Variants in PIK3CD observed in about 807,000 individuals in gnomAD.
PIK3CD encodes the protein phosphatidylinositol 4,5-bisphosphate 3-kinase catalytic subunit delta isoform.
Under a neutral mutation model 122.9 loss-of-function variants are expected in PIK3CD, and 20 were observed. The observed-to-expected ratio is 0.16, with a 90% CI of 0.11 to 0.24. The LOEUF is 0.24. PIK3CD is among the 10% of genes least tolerant of loss of function. The pLI, the probability that PIK3CD is intolerant of heterozygous loss-of-function variation, is 1.00. For missense variants in PIK3CD, 787 were observed against 1,406.3 expected, an observed-to-expected ratio of 0.56 and a Z score of 7.04; for synonymous variants, 596 against 593.4, an observed-to-expected ratio of 1.00 and a Z score of -0.06.
chr1:9,720,704 G>C lies in PIK3CD; in HGVS notation c.1522-38G>C, dbSNP rs199962152. The C allele has an allele frequency of 6.3e-7, 1 of 1,592,944 alleles. No homozygotes were observed. ...GTGGGGTGGGGGGCATGGAGCCGGC[G>C]TGGAACCAGAGCCCTCACTCCTGCC... On this transcript the variant is annotated intron_variant, in intron 12 of 23. Coordinates refer to ENST00000377346, the MANE Select transcript of PIK3CD (RefSeq NM_005026.5). The surrounding 1 kb of genome is among the most constrained non-coding windows in gnomAD (Gnocchi z 9.0).
rs939442056 is a variant in PIK3CD, at chr1:9,723,536, T to C, written c.2594+244T>C. On this transcript the variant is annotated intron_variant, in intron 20 of 23. Coordinates refer to ENST00000377346, the MANE Select transcript of PIK3CD (RefSeq NM_005026.5). This position sits in a 1 kb window ranked among gnomAD's most constrained non-coding sequence, Gnocchi z 4.9. ...GGCTTTAAAAAACAGCCATTTACGATTGGCTCACAGATCTGCAGCTGGGGC... is the reference window on the plus strand; with the variant it reads ...GGCTTTAAAAAACAGCCATTTACGACTGGCTCACAGATCTGCAGCTGGGGC... 2.0e-5 allele frequency among the ~76,000 whole-genome samples: 3 copies of C among 152,188 alleles called. No homozygotes were observed. Among genetic ancestry groups the C allele is most frequent in the Non-Finnish European group, 4.4e-5 (3 of 68,040 alleles).
In PIK3CD at chr1:9,728,884, A is replaced by T. The variant is rs1650122454; in HGVS notation, c.*1838A>T. The T allele has an allele frequency of 2.0e-5, 3 of 152,256 alleles. No individual in the cohort carries two copies. Among genetic ancestry groups the T allele is most frequent in the African/African-American group, 7.2e-5 (3 of 41,456 alleles). The allele number at this position is 152,256 out of a possible 1,614,324, so 9.4% of individuals were successfully genotyped here. ...TGGGTTGAGACCAGCACTCTGTGAA[A>T]CCTTGAAATGAGAAGTAAAGGCAGA... On this transcript the variant is annotated 3_prime_UTR_variant, in exon 24 of 24. Coordinates refer to ENST00000377346, the MANE Select transcript of PIK3CD (RefSeq NM_005026.5).
chr1:9,713,747 T>C (rs2100816650), intron 3 of PIK3CD, among the ~76,000 whole-genome samples: 1 of 152,098 alleles, frequency 6.6e-6, no homozygotes, highest in East Asian at 1.9e-4. Context: ...TGCACCACCA[T>C]GCCTGGCTAA....
At chr1:9,628,006 G>A in the PIK3CD span, among the ~76,000 whole-genome samples, 1 of 152,212 alleles carries the variant, frequency 6.6e-6, no homozygotes, top group African/African-American at 2.4e-5. Flanking sequence ...CTGAGATCGC[G>A]TCACTGCGAT....
At chr1:9,637,748 A>G in the PIK3CD span, among the ~76,000 whole-genome samples, 1 of 152,110 alleles carries the variant, frequency 6.6e-6, no homozygotes, top group East Asian at 1.9e-4. Context: ...ATATTTTGAG[A>G]TGGCTCTTTA....
intron 2 of PIK3CD, among the ~76,000 whole-genome samples, chr1:9,708,957 C>T (rs1646947073): frequency 1.3e-5 from 2 of 152,084 alleles, no homozygotes; most frequent in African/African-American, 4.8e-5. Context: ...AGAGGGGGAA[C>T]ACCAGGTCCT....
intron 2 of PIK3CD, among the ~76,000 whole-genome samples, chr1:9,698,120 A>G (rs1017020395): frequency 2.0e-5 from 3 of 152,158 alleles, no homozygotes; most frequent in African/African-American, 4.8e-5. Flanking sequence ...TGACATCCAT[A>G]TTCATTCATA....
rs142705155 is a variant in PIK3CD at position 9,676,644 on chromosome 1, G to C, written c.-137-14823G>C. On this transcript the variant is annotated intron_variant, in intron 1 of 23. Transcript: ENST00000377346. Reference sequence around the variant, plus strand: ...CTGGCTCCAGTGCACTGGCCTGGGAGAGGCAGTGGTACGGTGGTAAAGAGC... The same window carrying C: ...CTGGCTCCAGTGCACTGGCCTGGGACAGGCAGTGGTACGGTGGTAAAGAGC... Among the ~76,000 whole-genome samples the C allele has an allele frequency of 7.8e-3, 1,195 of 152,350 alleles. 36 individuals carry two copies. Among genetic ancestry groups the C allele is most frequent in the Admixed American group, 0.049 (748 of 15,300 alleles).
Position 9,724,649 on chromosome 1 carries a change from C to T in PIK3CD, c.2865-155C>T, listed in dbSNP as rs898285598. Reference sequence around the variant, plus strand: ...ATGTAGCAGGAGGCTGGCTGGGGCACGGGGGTCAGTTAGCAGAACTGGAGG... The same window carrying T: ...ATGTAGCAGGAGGCTGGCTGGGGCATGGGGGTCAGTTAGCAGAACTGGAGG... On this transcript the variant is annotated intron_variant, in intron 22 of 23. Coordinates refer to ENST00000377346, the MANE Select transcript of PIK3CD (RefSeq NM_005026.5). This position sits in a 1 kb window ranked among gnomAD's most constrained non-coding sequence, Gnocchi z 7.3. Among the ~76,000 whole-genome samples the T allele has an allele frequency of 6.6e-5, 10 of 152,188 alleles. No homozygotes were observed. The East Asian group carries it at 7.7e-4, about 12-fold the overall frequency.
intron 2 of PIK3CD, among the ~76,000 whole-genome samples, chr1:9,695,380 C>G (rs941660510): frequency 6.6e-6 from 1 of 152,052 alleles, no homozygotes; most frequent in Non-Finnish European, 1.5e-5. Context: ...TAAACAGTCT[C>G]GAAGTAGTAC....
Position 9,710,707 on chromosome 1 carries a change from A to T in PIK3CD, c.141+111A>T, listed in dbSNP as rs1647016359. ...CAGATGGACAGGTGGACAGACGGAC[A>T]GACAGATGGACAGATGCACTGCTTT... On this transcript the variant is annotated intron_variant, in intron 3 of 23. Transcript: ENST00000377346. The surrounding 1 kb of genome is among the most constrained non-coding windows in gnomAD (Gnocchi z 4.7). The T allele has an allele frequency of 1.7e-6, 2 of 1,179,820 alleles. No homozygotes were observed. The allele number at this position is 1,179,820 out of a possible 1,614,324, so 73.1% of individuals were successfully genotyped here.
intron 23 of PIK3CD, among the ~76,000 whole-genome samples, chr1:9,726,304 C>A (rs555286006): frequency 4.6e-5 from 7 of 151,948 alleles, no homozygotes; most frequent in Admixed American, 6.6e-5. Flanking sequence ...GTCAGGAGAT[C>A]GAGACCATCC....
chr1:9,669,415 T>C (rs1335590049), intron 1 of PIK3CD, among the ~76,000 whole-genome samples: 3 of 152,134 alleles, frequency 2.0e-5, no homozygotes, highest in Admixed American at 1.3e-4. Context: ...CAAGAAACAG[T>C]CTCAAGAGGT....
At chr1:9,681,475 C>T (rs1267206087) in intron 1 of PIK3CD, among the ~76,000 whole-genome samples, 6 of 152,160 alleles carry the variant, frequency 3.9e-5, no homozygotes, top group African/African-American at 7.2e-5. Flanking sequence ...AGTGCAGTGG[C>T]GCAATCTCGG....
chr1:9,647,493 T>A (rs1644619934), upstream of PIK3CD, among the ~76,000 whole-genome samples: 1 of 146,732 alleles, frequency 6.8e-6, no homozygotes, highest in Non-Finnish European at 1.5e-5. Flanking sequence ...TTATTATTAT[T>A]ATTATTATTA....
At chr1:9,721,883 G>A (rs1648729270) in intron 16 of PIK3CD, 23 bp downstream of exon 16, 1 of 1,612,112 alleles carries the variant, frequency 6.2e-7, no homozygotes, top group Non-Finnish European at 8.5e-7. Context: ...GCCCTGGGGG[G>A]CGGGCAGGGG....
intron 1 of PIK3CD, among the ~76,000 whole-genome samples, chr1:9,658,801 C>G (rs1644932828): frequency 6.6e-6 from 1 of 152,114 alleles, no homozygotes; most frequent in South Asian, 2.1e-4. Flanking sequence ...AAGTGCTGGG[C>G]CTGGCCACCA....
At chr1:9,721,026 C>A in intron 13 of PIK3CD, 101 bp from the exon 14 acceptor site, 1 of 1,440,754 alleles carries the variant, frequency 6.9e-7, no homozygotes, top group Admixed American at 1.9e-5. Flanking sequence ...CACCCTGACC[C>A]TGGCCACCCA....
intron 1 of PIK3CD, chr1:9,653,573 A>G (rs1644745583): frequency 1.1e-5 from 4 of 355,316 alleles, no homozygotes; most frequent in South Asian, 2.1e-5. Context: ...GGCACCCTCT[A>G]AGATACCCTT....
Sources: gnomAD v4.1 joint callset for allele counts (sites outside exome capture counted in the v4.1 genomes callset) on GRCh38, gnomAD v4.1.1 for gene constraint, Gnocchi (gnomAD v3.1) non-coding constraint, MANE v1.5 for transcripts, NCBI Gene and HGNC (gene_info 2026-07-23, HGNC 2026-07-21) for gene names.